The following MOB3B variants were observed in gnomAD, a reference collection of about 807,000 sequenced individuals.
The protein encoded by MOB3B is MOB kinase activator 3B, also known as MOB kinase activator-like 2B.
In MOB3B, 7 loss-of-function variants were observed where a neutral mutation model predicts 18.7. That is an observed-to-expected ratio of 0.37 (90% CI 0.21 to 0.70). The LOEUF (loss-of-function observed/expected upper bound fraction) is 0.70. Ranked by LOEUF, MOB3B falls within the 30% of genes least tolerant of loss-of-function variation. The probability of loss-of-function intolerance (pLI) is 0.52; values close to 1 mark genes in which losing one functional copy is unlikely to be tolerated. For missense variants in MOB3B, 253 were observed against 281.3 expected, an observed-to-expected ratio of 0.90 and a Z score of 0.72; for synonymous variants, 111 against 99.9, an observed-to-expected ratio of 1.11 and a Z score of -0.66.
At position 27,455,476 on chromosome 9, in the gene MOB3B, T is replaced by C. The variant is rs770027498; in HGVS notation, c.75A>G (p.Thr25=). The C allele has an allele frequency of 3.1e-6, 5 of 1,614,254 alleles. No homozygotes were observed. The East Asian group carries it at 1.1e-4, about 36-fold the overall frequency. Residue 25 remains threonine, a synonymous_variant, in exon 2 of 4, where the codon ACA becomes ACG. Coordinates refer to ENST00000262244, the MANE Select transcript of MOB3B (RefSeq NM_024761.5). ...CCCGTTTGTGCAGCTCAAACCTCTG[T>C]GTGCCAGGTTCAAATTTCCTCTTGG... ...FRPKRKFEPG[T]QRFELHKRAQ... is the part of the protein sequence containing the mutation.
intron 1 of MOB3B, among the ~76,000 whole-genome samples, chr9:27,512,626 A>G (rs1311693757): frequency 6.6e-6 from 1 of 152,198 alleles, no homozygotes; most frequent in African/African-American, 2.4e-5. Context: ...CACCCTGTTA[A>G]ACACTACTGT....
At chr9:27,371,256 A>C (rs1459669693) in intron 2 of MOB3B, among the ~76,000 whole-genome samples, 1 of 152,242 alleles carries the variant, frequency 6.6e-6, no homozygotes, top group African/African-American at 2.4e-5. Context: ...GGGAACCCAG[A>C]AAGAACAATT....
chr9:27,436,117 C>T (rs906625520), intron 2 of MOB3B, among the ~76,000 whole-genome samples: 8 of 152,166 alleles, frequency 5.3e-5, no homozygotes, highest in African/African-American at 1.9e-4. Flanking sequence ...CTTGCTGAGT[C>T]CCATTTACCC....
intron 3 of MOB3B, among the ~76,000 whole-genome samples, chr9:27,344,858 C>A (rs111936112): frequency 6.6e-6 from 1 of 152,234 alleles, no homozygotes; most frequent in Non-Finnish European, 1.5e-5. Flanking sequence ...CCCCACAGTG[C>A]GGTTTCTGAA....
intron 2 of MOB3B, among the ~76,000 whole-genome samples, chr9:27,442,269 A>C (rs1387966282): frequency 1.3e-5 from 2 of 152,250 alleles, no homozygotes; most frequent in African/African-American, 4.8e-5. Flanking sequence ...TTCTGAAACC[A>C]CAGAAAATTT....
At chr9:27,380,256 G>A (rs941847623) in intron 2 of MOB3B, among the ~76,000 whole-genome samples, 5 of 142,864 alleles carry the variant, frequency 3.5e-5, no homozygotes, top group Admixed American at 7.3e-5. Context: ...CAGAAAAAGA[G>A]ATAGGATTTT....
chr9:27,398,880 A>C (rs2150337), intron 2 of MOB3B, among the ~76,000 whole-genome samples: 54,442 of 151,858 alleles, frequency 0.36, 10,639 homozygotes, highest in East Asian at 0.78. Context: ...ACCTTCACCT[A>C]GGCATCCCCA....
intron 1 of MOB3B, among the ~76,000 whole-genome samples, chr9:27,474,606 A>G (rs890758880): frequency 2.6e-5 from 4 of 152,224 alleles, no homozygotes; most frequent in African/African-American, 9.7e-5. Flanking sequence ...TGCAAGACAC[A>G]TAGCTACTTC....
intron 2 of MOB3B, among the ~76,000 whole-genome samples, chr9:27,365,864 A>G (rs1821336223): frequency 6.6e-6 from 1 of 152,154 alleles, no homozygotes; most frequent in Non-Finnish European, 1.5e-5. Flanking sequence ...ACTGAAATGG[A>G]GTTAATGAGC....
intron 1 of MOB3B, among the ~76,000 whole-genome samples, chr9:27,501,417 A>G (rs1819989595): frequency 6.6e-6 from 1 of 152,188 alleles, no homozygotes; most frequent in South Asian, 2.1e-4. Flanking sequence ...AATACTATGC[A>G]GCCAAAAAAA....
chr9:27,511,319 G>T (rs1192343190), intron 1 of MOB3B, among the ~76,000 whole-genome samples: 4 of 152,020 alleles, frequency 2.6e-5, no homozygotes, highest in African/African-American at 9.7e-5. Flanking sequence ...AGTTCGGTGT[G>T]AACTTTGCCA....
rs148753497 is a variant in MOB3B at position 27,370,241 on chromosome 9, G to A, written c.419-11005C>T. On this transcript the variant is annotated intron_variant, in intron 2 of 3. Coordinates refer to ENST00000262244, the MANE Select transcript of MOB3B (RefSeq NM_024761.5). ...AGGAGGGTCCTGGCTGGGCGCGGTCGCTCAGGCCTGTAATCCCAGCACTTT... is the reference window on the plus strand; with the variant it reads ...AGGAGGGTCCTGGCTGGGCGCGGTCACTCAGGCCTGTAATCCCAGCACTTT... Among the ~76,000 whole-genome samples, 107 of 152,156 alleles carry A rather than the reference G, an allele frequency of 7.0e-4. 1 individual carries two copies. The South Asian group carries it at 0.016, about 23-fold the overall frequency.
chr9:27,340,646 T>C (rs1398072946), intron 3 of MOB3B, among the ~76,000 whole-genome samples: 1 of 151,942 alleles, frequency 6.6e-6, no homozygotes, highest in Admixed American at 6.6e-5. Flanking sequence ...CCACCTACCA[T>C]GTCCTTCCCA....
At chr9:27,440,444 C>T (rs1822576550) in intron 2 of MOB3B, among the ~76,000 whole-genome samples, 1 of 150,894 alleles carries the variant, frequency 6.6e-6, no homozygotes, top group African/African-American at 2.4e-5. Context: ...ATGTTTGGTA[C>T]TCTATAAGAA....
chr9:27,344,675 C>T (rs1313487827), intron 3 of MOB3B, among the ~76,000 whole-genome samples: 1 of 122,092 alleles, frequency 8.2e-6, no homozygotes, highest in Non-Finnish European at 1.5e-5. Context: ...AATGAAAAGT[C>T]TTCTTCTTCA....
chr9:27,519,288 C>G (rs1031256797), intron 1 of MOB3B, among the ~76,000 whole-genome samples: 1 of 152,196 alleles, frequency 6.6e-6, no homozygotes, highest in African/African-American at 2.4e-5. Flanking sequence ...GGCTCTCTCA[C>G]AGGCGAGGTC....
intron 1 of MOB3B, among the ~76,000 whole-genome samples, chr9:27,495,078 C>T (rs961874712): frequency 6.6e-6 from 1 of 152,102 alleles, no homozygotes; most frequent in South Asian, 2.1e-4. Flanking sequence ...AGTGTAATTC[C>T]AGCACTTTAG....
At chr9:27,429,072 A>G (rs556227617) in intron 2 of MOB3B, among the ~76,000 whole-genome samples, 1 of 152,224 alleles carries the variant, frequency 6.6e-6, no homozygotes, top group East Asian at 1.9e-4. Flanking sequence ...TGTAACCCCC[A>G]TAAGTCTTTA....
At chr9:27,445,729 T>C (rs1822679938) in intron 2 of MOB3B, among the ~76,000 whole-genome samples, 1 of 152,072 alleles carries the variant, frequency 6.6e-6, no homozygotes, top group Admixed American at 6.6e-5. Context: ...AAGAGAGTGA[T>C]CCACAAGTAA....
Sources: gnomAD v4.1 joint callset for allele counts (sites outside exome capture counted in the v4.1 genomes callset) on GRCh38, gnomAD v4.1.1 for gene constraint, MANE v1.5 for transcripts, NCBI Gene and HGNC (gene_info 2026-07-23, HGNC 2026-07-21) for gene names.